Variants in HMGB4 observed in about 807,000 individuals in gnomAD.
HMGB4 encodes the protein high mobility group box 4, also known as high mobility group protein B4.
For missense variants in HMGB4, 217 were observed against 220.4 expected (o/e 0.98, Z 0.10); for synonymous variants, 82 against 84.9 (o/e 0.97, Z 0.19).
Position 33,864,305 on chromosome 1 carries a change from TAA to T in HMGB4, c.116_117del (p.Lys39ArgfsTer4). ...AGCAGCCAAATACCTATGTTGGCTT[TAA>T]AGAGTTCTCTAGAAAGTGTTCGGAA... The part of the protein sequence containing the change: ...EQQPNTYVGF[K>X]EFSRKCSEKW... On this transcript the variant is annotated frameshift_variant, in exon 1 of 1. Transcript: ENST00000681531. LOFTEE classifies it low-confidence loss of function (END_TRUNC). The T allele has an allele frequency of 6.2e-7, 1 of 1,613,878 alleles. No individual in the cohort carries two copies. The highest frequency in any genetic ancestry group is 1.1e-5 in the South Asian group (1 of 91,078).
upstream of HMGB4, chr1:33,862,841 T>C (rs1488965417): frequency 1.3e-5 from 2 of 152,256 alleles, no homozygotes; most frequent in Non-Finnish European, 2.9e-5. Flanking sequence ...GAGACTCTTA[T>C]TAGTTTCCAT....
At chr1:33,860,622 T>C (rs968638839), upstream of HMGB4, 1 of 152,206 alleles carries the variant, frequency 6.6e-6, no homozygotes, top group Non-Finnish European at 1.5e-5. Context: ...ATTTGTTTAA[T>C]CCTCATGGCT....
At chr1:33,861,826 A>C (rs1487307690), upstream of HMGB4, among the ~76,000 whole-genome samples, 1 of 152,180 alleles carries the variant, frequency 6.6e-6, no homozygotes, top group Non-Finnish European at 1.5e-5. Context: ...TCATTTAGAG[A>C]GGACACCTTA....
upstream of HMGB4, chr1:33,863,475 C>T (rs1639702329): frequency 6.6e-6 from 1 of 152,220 alleles, no homozygotes. Flanking sequence ...TTTCGCCTCA[C>T]ATTTCTTCAG....
upstream of HMGB4, chr1:33,860,752 C>T (rs561155418): frequency 6.6e-5 from 10 of 152,200 alleles, no homozygotes; most frequent in East Asian, 1.9e-3. Flanking sequence ...GCTTAAAAGG[C>T]CATGTTCTTT....
chr1:33,862,015 C>T (rs1205529936), upstream of HMGB4, among the ~76,000 whole-genome samples: 1 of 152,112 alleles, frequency 6.6e-6, no homozygotes, highest in African/African-American at 2.4e-5. Flanking sequence ...GTGGCTCATA[C>T]AGACCAGCTT....
At chr1:33,861,904 G>A (rs1639544965), upstream of HMGB4, among the ~76,000 whole-genome samples, 1 of 151,392 alleles carries the variant, frequency 6.6e-6, no homozygotes. Context: ...TGGGGATCCA[G>A]GAGAATAAAT....
At chr1:33,864,032 CAATGCCA>C (rs1639761381), upstream of HMGB4, 1 of 657,234 alleles carries the variant, frequency 1.5e-6, no homozygotes, top group African/African-American at 1.8e-5. Flanking sequence ...TCTGACTCAA[CAATGCCA>C]TCAGCACTGA....
At chr1:33,863,841 C>A, upstream of HMGB4, 1 of 196,256 alleles carries the variant, frequency 5.1e-6, no homozygotes, top group Non-Finnish European at 1.0e-5. Context: ...TCCAGGAAGC[C>A]AAGGAGAATT....
upstream of HMGB4, chr1:33,863,914 G>T: frequency 2.8e-6 from 1 of 355,562 alleles, no homozygotes; most frequent in Non-Finnish European, 5.1e-6. Context: ...TTCATGAGAG[G>T]CAAACATTGA....
rs747579683 is a variant in HMGB4, at chr1:33,864,297, G to A, written c.106G>A (p.Val36Ile). 9 of 1,613,648 alleles carry A rather than the reference G, an allele frequency of 5.6e-6. No homozygotes were observed. The highest frequency in any genetic ancestry group is 4.5e-5 in the East Asian group (2 of 44,886). The change falls in exon 1 of 1, where the codon GTT becomes ATT. Residue 36 changes from valine (V) to isoleucine (I), a missense_variant. Transcript: ENST00000681531. ...CAAGGAGCAGCAGCCAAATACCTAT[G>A]TTGGCTTTAAAGAGTTCTCTAGAAA... ...KFKEQQPNTY[V>I]GFKEFSRKCS...
chr1:33,862,789 G>T (rs952396355), upstream of HMGB4: 1 of 152,208 alleles, frequency 6.6e-6, no homozygotes. Flanking sequence ...GCTTAGGTAG[G>T]CCAGCCACCT....
rs761686282 is a variant in HMGB4 at position 33,864,221 on chromosome 1, G to A, written c.30G>A (p.Lys10=). 26 of 1,609,500 alleles carry A rather than the reference G, an allele frequency of 1.6e-5. No homozygotes were observed. Among genetic ancestry groups the A allele is most frequent in the Non-Finnish European group, 2.1e-5 (25 of 1,178,880 alleles). The change falls in exon 1 of 1, where the codon AAG becomes AAA. Residue 10 remains lysine, a synonymous_variant. Transcript: ENST00000681531. ...GAAAAGAAATCCAGCTAAAGCCTAA[G>A]GCAAATGTCTCTTCTTACGTTCACT... MGKEIQLKP[K]ANVSSYVHFL...
chr1:33,864,037 C>T, upstream of HMGB4: 1 of 670,326 alleles, frequency 1.5e-6, no homozygotes, highest in Non-Finnish European at 2.5e-6. Context: ...CTCAACAATG[C>T]CATCAGCACT....
upstream of HMGB4, chr1:33,860,769 C>T (rs531874662): frequency 1.3e-5 from 2 of 150,188 alleles, no homozygotes; most frequent in African/African-American, 5.0e-5. Context: ...CTTTCCACTT[C>T]ATGTTACTGC....
chr1:33,863,461 C>CCTCTTT (rs1210085218), upstream of HMGB4: 1 of 152,172 alleles, frequency 6.6e-6, no homozygotes, highest in African/African-American at 2.4e-5. Context: ...GGTTCTCCCC[C>CCTCTTT]CTCTTTCGCC....
At chr1:33,861,265 T>A (rs1639476509), upstream of HMGB4, 1 of 152,230 alleles carries the variant, frequency 6.6e-6, no homozygotes, top group Non-Finnish European at 1.5e-5. Flanking sequence ...GTTGGCAGAT[T>A]TACGACCCCC....
In HMGB4 at chr1:33,864,669, T is replaced by A. The variant is rs1484843499; in HGVS notation, c.478T>A (p.Tyr160Asn). The change falls in exon 1 of 1, where the codon TAC (tyrosine) becomes AAC (asparagine). Residue 160 changes from tyrosine to asparagine, a missense_variant. Tyr to Asn is a moderately radical substitution (Grantham distance 143, BLOSUM62 -2). Coordinates refer to ENST00000681531, the MANE Select transcript of HMGB4 (RefSeq NM_001379301.1). Reference protein sequence around the residue: ...RAKYFEELELYRKQCNARKKY... With the variant: ...RAKYFEELELNRKQCNARKKY... The stretch of plus-strand genomic sequence containing the variant: ...TAAGTACTTCGAGGAACTTGAACTC[T>A]ACCGTAAACAATGTAATGCCAGGAA... 2 of 1,613,744 alleles carry A rather than the reference T, an allele frequency of 1.2e-6. No individual in the cohort carries two copies. Among genetic ancestry groups the A allele is most frequent in the African/African-American group, 2.7e-5 (2 of 74,890 alleles).
At chr1:33,863,848 A>G, upstream of HMGB4, 1 of 200,540 alleles carries the variant, frequency 5.0e-6, no homozygotes, top group Non-Finnish European at 1.0e-5. Flanking sequence ...AGCCAAGGAG[A>G]ATTATTTCTG....
Sources: allele counts gnomAD v4.1 joint callset (sites outside exome capture counted in the v4.1 genomes callset), GRCh38; gene constraint gnomAD v4.1.1; transcripts MANE v1.5; gene names NCBI Gene and HGNC (gene_info 2026-07-23, HGNC 2026-07-21).